VWA5B1: variants seen among roughly 807,000 people sequenced by gnomAD.
VWA5B1 encodes the protein von Willebrand factor A domain containing 5B1.
A neutral mutation model predicts 118.2 loss-of-function variants in VWA5B1; 115 were observed. The observed-to-expected ratio is 0.97, with a 90% CI of 0.84 to 1.14. VWA5B1 has a LOEUF of 1.14. VWA5B1 is among the 50% of genes most tolerant of loss of function. The pLI is 0.00. For missense variants in VWA5B1, 1,596 were observed against 1,603.8 expected (o/e 1.00, Z 0.08); for synonymous variants, 682 against 658.4 (o/e 1.04, Z -0.55).
chr1:20,317,528 A>C lies in VWA5B1; in HGVS notation c.564-2A>C, dbSNP rs2089055146. 1.3e-6 allele frequency: 2 copies of C among 1,550,856 alleles called. No individual in the cohort carries two copies. Among genetic ancestry groups the C allele is most frequent in the Non-Finnish European group, 1.7e-6 (2 of 1,146,732 alleles). On this transcript the variant is annotated splice_acceptor_variant, in intron 4 of 21. Transcript: ENST00000289815. LOFTEE classifies it high-confidence loss of function. ...CCTTTCCTTCCCCCGGCCCTTTTCC[A>C]GCAAAGACAGGCACTGCTTCGGTGC... is the stretch of plus-strand genomic sequence containing the variant.
intron 1 of VWA5B1, among the ~76,000 whole-genome samples, chr1:20,309,810 G>A (rs1235715929): frequency 6.6e-6 from 1 of 152,134 alleles, no homozygotes; most frequent in Non-Finnish European, 1.5e-5. Context: ...AGAGGTGGTG[G>A]TGGCCTGGGA....
intron 15 of VWA5B1, 124 bp downstream of exon 15, chr1:20,342,733 C>G (rs906013812): frequency 3.7e-5 from 46 of 1,236,874 alleles, no homozygotes; most frequent in Non-Finnish European, 4.7e-5. Context: ...TCTGCTGCGG[C>G]TCACCCCTCT....
intron 1 of VWA5B1, among the ~76,000 whole-genome samples, chr1:20,302,808 G>A (rs997536295): frequency 6.6e-6 from 1 of 152,094 alleles, no homozygotes; most frequent in Admixed American, 6.6e-5. Context: ...GAGAGGTGGA[G>A]ACAGCATTCC....
intron 7 of VWA5B1, among the ~76,000 whole-genome samples, chr1:20,319,914 T>G (rs2089154032): frequency 6.6e-6 from 1 of 152,128 alleles, no homozygotes; most frequent in Admixed American, 6.5e-5. Flanking sequence ...TCTGGGGCCC[T>G]TGCTTGCTAT....
At position 20,348,234 on chromosome 1, in the gene VWA5B1, C is replaced by T. The variant is rs2090049161; in HGVS notation, c.2765-11C>T. ...TACCCAACCACCCGCTTCCCCTTGT[C>T]TTCCGCGAAGGAGCTGCCCTGCGTA... is the stretch of plus-strand genomic sequence containing the variant. On this transcript the variant is annotated splice_polypyrimidine_tract_variant and intron_variant, in intron 17 of 21. Transcript: ENST00000289815. 1.9e-6 allele frequency: 3 copies of T among 1,551,242 alleles called. No individual in the cohort carries two copies. The highest frequency in any genetic ancestry group is 8.7e-7 in the Non-Finnish European group (1 of 1,146,710).
intron 1 of VWA5B1, among the ~76,000 whole-genome samples, chr1:20,308,957 A>C (rs1236650988): frequency 6.6e-6 from 1 of 152,210 alleles, no homozygotes; most frequent in Non-Finnish European, 1.5e-5. Context: ...CCCCGCAGAC[A>C]GGAAAACCAG....
At chr1:20,332,974 G>C (rs756914508) in intron 12 of VWA5B1, 23 bp downstream of exon 12, 1 of 1,550,190 alleles carries the variant, frequency 6.5e-7, no homozygotes, top group South Asian at 1.2e-5. Flanking sequence ...GAAATTCCAC[G>C]GGTCCGTGTG....
Position 20,342,568 on chromosome 1 carries a change from TGA to T in VWA5B1, c.2276_2277del (p.Glu759AlafsTer4), listed in dbSNP as rs1199584812. 15 of 1,523,586 alleles carry T rather than the reference TGA, an allele frequency of 9.8e-6. No individual in the cohort carries two copies. The highest frequency in any genetic ancestry group is 1.7e-4 in the Middle Eastern group (1 of 5,844). The allele number at this position is 1,523,586 out of a possible 1,614,324, so 94.4% of individuals were successfully genotyped here. On this transcript the variant is annotated frameshift_variant, in exon 15 of 22. Transcript: ENST00000289815. LOFTEE classifies it high-confidence loss of function. ...CAGGAGACCCAGGCCTGGAGCCCTG[TGA>T]GAGAGCGGACTTCTGACAGCCGAAG...
intron 8 of VWA5B1, 67 bp downstream of exon 8, chr1:20,323,599 T>G (rs1389307317): frequency 1.9e-5 from 24 of 1,288,886 alleles, no homozygotes; most frequent in Non-Finnish European, 2.4e-5. Context: ...GTGCCCCCAA[T>G]CCAGCTTCCT....
Position 20,314,424 on chromosome 1 carries a change from TG to T in VWA5B1, c.399del (p.Thr134ProfsTer26), listed in dbSNP as rs2088939885. On this transcript the variant is annotated frameshift_variant, in exon 4 of 22. Transcript: ENST00000289815. LOFTEE classifies it high-confidence loss of function. ...GAGCGGATCCTGTTCGTGGCCAACCTGGGGACCATTGCCCCCATGGAGAATG... is the reference window on the plus strand; with the variant it reads ...GAGCGGATCCTGTTCGTGGCCAACCTGGGACCATTGCCCCCATGGAGAATG... ...DLERILFVANLGTIAPMENVT... is the reference protein window; with the variant it reads ...DLERILFVANXGTIAPMENVT... 6.4e-7 allele frequency: 1 copy of T among 1,551,902 alleles called. No homozygotes were observed. The highest frequency in any genetic ancestry group is 8.7e-7 in the Non-Finnish European group (1 of 1,147,054).
chr1:20,346,575 A>G (rs1309303716), intron 17 of VWA5B1, among the ~76,000 whole-genome samples: 11 of 152,214 alleles, frequency 7.2e-5, no homozygotes, highest in Admixed American at 6.5e-5. Context: ...TAAAATTGTG[A>G]TGTATGTTAC....
intron 17 of VWA5B1, among the ~76,000 whole-genome samples, chr1:20,347,209 G>C (rs983797048): frequency 3.3e-5 from 5 of 152,208 alleles, no homozygotes; most frequent in Non-Finnish European, 7.3e-5. Flanking sequence ...ATACATTTAA[G>C]AACCACTGGA....
chr1:20,322,826 C>A (rs1416405445), intron 7 of VWA5B1, among the ~76,000 whole-genome samples: 1 of 152,084 alleles, frequency 6.6e-6, no homozygotes, highest in African/African-American at 2.4e-5. Flanking sequence ...ATTAAGTCCA[C>A]CTGGAAATTG....
chr1:20,350,839 C>T lies in VWA5B1; in HGVS notation c.2954-18C>T. 6.4e-7 allele frequency: 1 copy of T among 1,551,618 alleles called. No homozygotes were observed. Among genetic ancestry groups the T allele is most frequent in the Non-Finnish European group, 8.7e-7 (1 of 1,146,868 alleles). On this transcript the variant is annotated intron_variant, in intron 19 of 21. Transcript: ENST00000289815. ...GGTCATCTTCAGGTCTCAACTTGGT[C>T]ATTCTGTGGCTCTCCAGGTCCCCAG...
intron 18 of VWA5B1, among the ~76,000 whole-genome samples, chr1:20,349,769 G>A (rs1396049543): frequency 1.4e-5 from 2 of 140,596 alleles, no homozygotes; most frequent in African/African-American, 5.5e-5. Flanking sequence ...AGGGCCCGTA[G>A]TCCAGGGCTT....
At chr1:20,321,069 G>C (rs2089195586) in intron 7 of VWA5B1, among the ~76,000 whole-genome samples, 1 of 137,540 alleles carries the variant, frequency 7.3e-6, no homozygotes, top group Non-Finnish European at 1.5e-5. Context: ...CACATAGAAG[G>C]GCACACCACG....
At chr1:20,348,532 G>A (rs370562575) in intron 18 of VWA5B1, among the ~76,000 whole-genome samples, 174 bp downstream of exon 18, 1 of 152,194 alleles carries the variant, frequency 6.6e-6, no homozygotes, top group Admixed American at 6.5e-5. Context: ...GCCTAAGAGG[G>A]ACAGAGAGGC....
chr1:20,309,458 G>A (rs1248527262), intron 1 of VWA5B1, among the ~76,000 whole-genome samples: 1 of 152,236 alleles, frequency 6.6e-6, no homozygotes, highest in African/African-American at 2.4e-5. Flanking sequence ...AAATGAGCAT[G>A]GGGTGGGCCT....
At chr1:20,332,596 T>C (rs1437433248) in intron 11 of VWA5B1, among the ~76,000 whole-genome samples, 170 bp from the exon 12 acceptor site, 1 of 152,068 alleles carries the variant, frequency 6.6e-6, no homozygotes, top group Non-Finnish European at 1.5e-5. Flanking sequence ...AACTCTGACA[T>C]TCTGTGAGTC....
Sources: gnomAD v4.1 joint callset for allele counts (sites outside exome capture counted in the v4.1 genomes callset) on GRCh38, gnomAD v4.1.1 for gene constraint, MANE v1.5 for transcripts, NCBI Gene and HGNC (gene_info 2026-07-23, HGNC 2026-07-21) for gene names.